The following HMGN5 variants were observed in gnomAD, a reference collection of about 807,000 sequenced individuals.
HMGN5 encodes the protein high mobility group nucleosome-binding domain-containing protein 5.
In HMGN5, 4 loss-of-function variants were observed where a neutral mutation model predicts 9.5. The ratio of observed to expected loss-of-function variants is 0.42; its 90% CI spans 0.21 to 0.96. The LOEUF (loss-of-function observed/expected upper bound fraction) is 0.96, where lower values mean the gene tolerates loss of function less well. Ranked by LOEUF, HMGN5 falls within the 40% of genes least tolerant of loss-of-function variation. The probability of loss-of-function intolerance (pLI) is 0.30; values close to 1 mark genes in which losing one functional copy is unlikely to be tolerated. For missense variants in HMGN5, 192 were observed against 187.5 expected, an observed-to-expected ratio of 1.02 and a Z score of -0.14; for synonymous variants, 55 against 57.1, an observed-to-expected ratio of 0.96 and a Z score of 0.16.
rs2075246564 is a variant in HMGN5 at position 81,114,497 on chromosome X, T to C, written c.*152A>G. On this transcript the variant is annotated 3_prime_UTR_variant, in exon 7 of 7. Coordinates refer to ENST00000358130, the MANE Select transcript of HMGN5 (RefSeq NM_030763.3). ...GATAAATGTTTCATGTTAGAAACTT[T>C]ATGGCTAATAATCAATATGAAGATG... The C allele has an allele frequency of 2.1e-6, 1 of 487,118 alleles. No individual in the cohort carries two copies. Among genetic ancestry groups the C allele is most frequent in the East Asian group, 4.4e-5 (1 of 22,708 alleles). 40.1% of individuals were successfully genotyped at this position (487,118 alleles called of 1,213,427 possible). A position where few individuals can be genotyped will look rare whatever the true frequency, so the allele number is the denominator to read the frequency against.
In HMGN5 at chrX:81,116,338, T is replaced by C; in HGVS notation, c.133A>G (p.Met45Val). The stretch of plus-strand genomic sequence containing the variant: ...TCCATCATATCACTTTTTGTCTTCA[T>C]TTTCTGCCAAGCAATATAAAACAAT... Reference protein sequence around the residue: ...KPKRTSSSRKMKTKSDMMEEN... With the variant: ...KPKRTSSSRKVKTKSDMMEEN... Residue 45 changes from methionine (M) to valine (V), a missense_variant, in exon 6 of 7, where the codon ATG becomes GTG. Physicochemically the swap from Met to Val is conservative, Grantham distance 21. Transcript: ENST00000358130. The C allele has an allele frequency of 8.5e-7, 1 of 1,176,146 alleles. No homozygotes were observed. Among genetic ancestry groups the C allele is most frequent in the Non-Finnish European group, 1.2e-6 (1 of 867,397 alleles).
chrX:81,131,733 T>C (rs1056378949), intron 1 of HMGN5, among the ~76,000 whole-genome samples: 2 of 111,351 alleles, frequency 1.8e-5, no homozygotes, highest in African/African-American at 3.3e-5. Flanking sequence ...AAGAAACATA[T>C]ATGACAAACT....
intron 1 of HMGN5, among the ~76,000 whole-genome samples, chrX:81,196,252 G>T (rs2075507873): frequency 9.0e-6 from 1 of 110,720 alleles, no homozygotes; most frequent in Non-Finnish European, 1.9e-5. Context: ...GCCAGAGGAG[G>T]CAGGAAGGTG....
intron 1 of HMGN5, among the ~76,000 whole-genome samples, chrX:81,185,247 A>C (rs1462107020): frequency 2.7e-5 from 3 of 111,897 alleles, no homozygotes; most frequent in African/African-American, 9.7e-5. Context: ...CCCATTCATG[A>C]TTGTGGAATA....
intron 1 of HMGN5, among the ~76,000 whole-genome samples, chrX:81,185,834 A>T (rs2147647552): frequency 9.0e-6 from 1 of 111,137 alleles, no homozygotes; most frequent in South Asian, 3.7e-4. Flanking sequence ...GGGATGTTGG[A>T]TTTTTTTCAA....
chrX:81,189,716 TAA>T (rs779362293), intron 1 of HMGN5, among the ~76,000 whole-genome samples: 2 of 112,326 alleles, frequency 1.8e-5, no homozygotes, highest in African/African-American at 3.2e-5. Flanking sequence ...TCTGTAGACA[TAA>T]GTTTTTAACT....
chrX:81,167,826 TG>T (rs1410212815), intron 1 of HMGN5, among the ~76,000 whole-genome samples: 1 of 112,192 alleles, frequency 8.9e-6, no homozygotes, highest in Non-Finnish European at 1.9e-5. Flanking sequence ...CATTAAGCAA[TG>T]GCTGTGACTA....
chrX:81,124,433 C>T lies in HMGN5; in HGVS notation c.-123-2761G>A, dbSNP rs374538878. Among the ~76,000 whole-genome samples the T allele has an allele frequency of 4.4e-5, 5 of 112,447 alleles. No homozygotes were observed. The East Asian group carries it at 1.4e-3, about 32-fold the overall frequency. On this transcript the variant is annotated intron_variant, in intron 1 of 6. Coordinates refer to ENST00000358130, the MANE Select transcript of HMGN5 (RefSeq NM_030763.3). The stretch of plus-strand genomic sequence containing the variant: ...CCAAATATCACCTCTTTGACAAAAG[C>T]CTTCTTCAATTATTTTAGCCCTAAG...
In HMGN5 at chrX:81,121,549, TTGTTGTAGCTCTCTA is replaced by T. The variant is rs752382412; in HGVS notation, c.-15_-1del. On this transcript the variant is annotated 5_prime_UTR_variant, in exon 2 of 7. Transcript: ENST00000358130. ...ATTTCACTTACCTTTCTTTTGGGCA[TTGTTGTAGCTCTCTA>T]TAGGAGATCTTAGTCAGCAGAAAAA... The T allele has an allele frequency of 6.1e-5, 73 of 1,198,087 alleles. No homozygotes were observed. The highest frequency in any genetic ancestry group is 7.7e-5 in the Non-Finnish European group (68 of 888,542).
At chrX:81,139,641 A>G (rs751408006) in intron 1 of HMGN5, among the ~76,000 whole-genome samples, 1 of 111,885 alleles carries the variant, frequency 8.9e-6, no homozygotes, top group African/African-American at 3.2e-5. Flanking sequence ...CTCTGCCACT[A>G]CCCCAGCAGA....
rs538875582 is a variant in HMGN5, at chrX:81,163,314, G to C, written c.-124+38423C>G. Among the ~76,000 whole-genome samples, 18 of 112,362 alleles carry C rather than the reference G, an allele frequency of 1.6e-4. No homozygotes were observed. In the Admixed American group the frequency reaches 1.7e-3, roughly 11 times the overall value. ...GGAGCACAAACAATCCATCCCTGCT[G>C]TGTCCTTTCCAAATTTCTGACCCTG... On this transcript the variant is annotated intron_variant, in intron 1 of 6. Coordinates refer to ENST00000358130, the MANE Select transcript of HMGN5 (RefSeq NM_030763.3).
At chrX:81,152,760 G>T (rs1375857536) in intron 1 of HMGN5, among the ~76,000 whole-genome samples, 4 of 109,526 alleles carry the variant, frequency 3.7e-5, no homozygotes, top group African/African-American at 1.3e-4. Context: ...GTCCAACAAT[G>T]ATAGACTGGG....
chrX:81,149,154 T>C (rs1338242693), intron 1 of HMGN5, among the ~76,000 whole-genome samples: 1 of 111,723 alleles, frequency 9.0e-6, no homozygotes, highest in Non-Finnish European at 1.9e-5. Flanking sequence ...TTATAAATCA[T>C]TCTATTATAA....
chrX:81,193,331 G>C (rs1046739099), intron 1 of HMGN5, among the ~76,000 whole-genome samples: 2 of 112,011 alleles, frequency 1.8e-5, no homozygotes, highest in Admixed American at 1.9e-4. Context: ...ATTTACATCT[G>C]AGCTTAATGT....
chrX:81,189,258 G>A (rs1273727667), intron 1 of HMGN5, among the ~76,000 whole-genome samples: 1 of 111,906 alleles, frequency 8.9e-6, no homozygotes, highest in Non-Finnish European at 1.9e-5. Flanking sequence ...CAATAACTGT[G>A]TTAAGATTTT....
At chrX:81,179,809 A>G (rs1011639067) in intron 1 of HMGN5, among the ~76,000 whole-genome samples, 38 of 111,807 alleles carry the variant, frequency 3.4e-4, no homozygotes, top group African/African-American at 1.2e-3. Context: ...ACTATACTAC[A>G]AGGCTACAGT....
intron 1 of HMGN5, among the ~76,000 whole-genome samples, chrX:81,125,438 C>T (rs1273239226): frequency 1.8e-5 from 2 of 111,051 alleles, no homozygotes; most frequent in Admixed American, 1.9e-4. Context: ...AGATTGATAT[C>T]AGAAATTTAT....
At chrX:81,164,269 G>T (rs907196195) in intron 1 of HMGN5, among the ~76,000 whole-genome samples, 2 of 111,546 alleles carry the variant, frequency 1.8e-5, no homozygotes, top group African/African-American at 6.5e-5. Context: ...TGCTTGATGG[G>T]AGTAAAACTG....
chrX:81,186,624 G>A (rs899638733), intron 1 of HMGN5, among the ~76,000 whole-genome samples: 1 of 110,589 alleles, frequency 9.0e-6, no homozygotes, highest in African/African-American at 3.3e-5. Context: ...TCATTTCTTT[G>A]AATAATTTTG....
Sources: gnomAD v4.1 joint callset for allele counts (sites outside exome capture counted in the v4.1 genomes callset) on GRCh38, gnomAD v4.1.1 for gene constraint, MANE v1.5 for transcripts, NCBI Gene and HGNC (gene_info 2026-07-23, HGNC 2026-07-21) for gene names.